GRID1: variants seen among roughly 807,000 people sequenced by gnomAD.
GRID1 encodes glutamate receptor ionotropic, delta-1.
Under a neutral mutation model 98.0 loss-of-function variants are expected in GRID1, and 28 were observed. The ratio of observed to expected loss-of-function variants is 0.29; its 90% CI spans 0.21 to 0.39. The LOEUF is 0.39. Among genes scored for constraint, GRID1 ranks in the 10% least tolerant of loss-of-function variants. GRID1 has a pLI of 1.00. For synonymous variants in GRID1, 553 were observed against 538.5 expected, an observed-to-expected ratio of 1.03 and a Z score of -0.37; for missense variants, 1,111 against 1,340.5, an observed-to-expected ratio of 0.83 and a Z score of 2.67.
At chr10:86,247,382 T>C (rs1176068424) in intron 2 of GRID1, among the ~76,000 whole-genome samples, 1 of 151,836 alleles carries the variant, frequency 6.6e-6, no homozygotes, top group Non-Finnish European at 1.5e-5. Flanking sequence ...GATGGATGGA[T>C]GGATGATGGA....
At chr10:86,138,778 T>C (rs1564687285) in intron 4 of GRID1, 41 bp downstream of exon 4, 2 of 1,524,514 alleles carry the variant, frequency 1.3e-6, no homozygotes, top group African/African-American at 2.7e-5. Context: ...TGCAGAGCCC[T>C]GGGCACCAGG....
intron 8 of GRID1, among the ~76,000 whole-genome samples, chr10:85,735,463 C>A (rs560124369): frequency 7.2e-5 from 11 of 152,248 alleles, no homozygotes; most frequent in Admixed American, 4.6e-4. Context: ...ATTTCACAAA[C>A]CACTGGTCTC....
chr10:86,073,357 A>G (rs1366226832), intron 4 of GRID1, among the ~76,000 whole-genome samples: 7 of 152,188 alleles, frequency 4.6e-5, no homozygotes, highest in Admixed American at 6.5e-5. Flanking sequence ...CCTGTTACAC[A>G]CTGGGGTAGG....
At chr10:86,252,227 G>A (rs1363267795) in intron 2 of GRID1, among the ~76,000 whole-genome samples, 3 of 152,194 alleles carry the variant, frequency 2.0e-5, no homozygotes, top group Non-Finnish European at 4.4e-5. Flanking sequence ...AGCAGAGACC[G>A]GGATGTGGCC....
intron 8 of GRID1, among the ~76,000 whole-genome samples, chr10:85,768,670 T>C (rs1842222092): frequency 6.6e-6 from 1 of 152,186 alleles, no homozygotes; most frequent in Non-Finnish European, 1.5e-5. Context: ...GAAAAATACA[T>C]TTTTCAATTA....
chr10:86,150,839 G>A (rs1190895210), intron 3 of GRID1, among the ~76,000 whole-genome samples: 1 of 152,118 alleles, frequency 6.6e-6, no homozygotes. Context: ...AGAGAAGATG[G>A]CCAACTGCAA....
intron 2 of GRID1, among the ~76,000 whole-genome samples, chr10:86,228,100 G>A (rs914305641): frequency 7.3e-5 from 11 of 151,042 alleles, no homozygotes; most frequent in Admixed American, 1.3e-4. Flanking sequence ...GAGGTGAGTG[G>A]GTGAGTAGGT....
At chr10:85,629,858 C>T (rs1245635108) in intron 13 of GRID1, among the ~76,000 whole-genome samples, 1 of 152,172 alleles carries the variant, frequency 6.6e-6, no homozygotes, top group South Asian at 2.1e-4. Context: ...TTCTCTGCAT[C>T]CTCACTAACA....
chr10:86,156,110 G>A (rs951801959), intron 3 of GRID1, among the ~76,000 whole-genome samples: 2 of 152,238 alleles, frequency 1.3e-5, no homozygotes, highest in African/African-American at 4.8e-5. Flanking sequence ...TAAATGGTAG[G>A]AGAGCCCAAA....
rs114267017 is a variant in GRID1 at position 85,746,034 on chromosome 10, C to T, written c.1234-16420G>A. Among the ~76,000 whole-genome samples, 794 of 152,326 alleles carry T rather than the reference C, an allele frequency of 5.2e-3. 11 individuals carry two copies. Among genetic ancestry groups the T allele is most frequent in the African/African-American group, 0.018 (759 of 41,566 alleles). On this transcript the variant is annotated intron_variant, in intron 8 of 15. Transcript: ENST00000327946. ...GTGATCACTATGTGCTTTCCAACTA[C>T]TCCTCCTTACAAATGGTAATCCTTA...
intron 12 of GRID1, chr10:85,649,874 T>A (rs1167358590): frequency 1.3e-5 from 2 of 152,274 alleles, no homozygotes; most frequent in African/African-American, 4.8e-5. Context: ...ATCTTACTGC[T>A]CAGACCCACG....
intron 12 of GRID1, among the ~76,000 whole-genome samples, chr10:85,722,513 C>T (rs545470646): frequency 8.5e-4 from 129 of 152,138 alleles, no homozygotes; most frequent in African/African-American, 2.9e-3. Context: ...AACATGAAGA[C>T]ACATTTTTAG....
intron 4 of GRID1, among the ~76,000 whole-genome samples, chr10:86,026,527 CT>C (rs1205789389): frequency 2.0e-5 from 3 of 152,234 alleles, no homozygotes; most frequent in African/African-American, 7.2e-5. Context: ...GAAATCTCCA[CT>C]GGTGCTGGCT....
At chr10:86,146,389 A>G (rs11201907) in intron 3 of GRID1, among the ~76,000 whole-genome samples, 6,511 of 152,250 alleles carry the variant, frequency 0.043, 151 homozygotes, top group Non-Finnish European at 0.054. Flanking sequence ...TAAGAGCCCT[A>G]CCCAGCCTCC....
chr10:85,725,238 A>C (rs1389204380), intron 10 of GRID1, among the ~76,000 whole-genome samples: 1 of 152,230 alleles, frequency 6.6e-6, no homozygotes, highest in Non-Finnish European at 1.5e-5. Flanking sequence ...TGAGTGTTTC[A>C]TATGTAGACT....
intron 4 of GRID1, among the ~76,000 whole-genome samples, chr10:86,005,121 A>T: frequency 6.6e-6 from 1 of 152,202 alleles, no homozygotes; most frequent in East Asian, 1.9e-4. Flanking sequence ...GCTAGCAATC[A>T]AACACAAGTG....
chr10:85,824,844 C>G lies in GRID1; in HGVS notation c.1233+29652G>C, dbSNP rs141981056. 2.2e-4 allele frequency among the ~76,000 whole-genome samples: 34 copies of G among 152,252 alleles called. 1 individual carries two copies. In the East Asian group the frequency reaches 6.0e-3, roughly 27 times the overall value. ...TTAACTTCACTTAGAATAATGTCAT[C>G]CAGATCCATTGAAGTTGCTGCAAAA... is the stretch of plus-strand genomic sequence containing the variant. On this transcript the variant is annotated intron_variant, in intron 8 of 15. Coordinates refer to ENST00000327946, the MANE Select transcript of GRID1 (RefSeq NM_017551.3).
intron 8 of GRID1, among the ~76,000 whole-genome samples, chr10:85,785,221 A>G (rs1249355691): frequency 6.6e-6 from 1 of 152,260 alleles, no homozygotes; most frequent in Non-Finnish European, 1.5e-5. Flanking sequence ...TACAGGCTAA[A>G]TATTCAGGTA....
chr10:85,996,450 A>T (rs2131871641), intron 4 of GRID1, among the ~76,000 whole-genome samples: 1 of 152,326 alleles, frequency 6.6e-6, no homozygotes, highest in Middle Eastern at 3.4e-3. Flanking sequence ...CAACAAAAAA[A>T]ATTTCACTGG....
Sources: gnomAD v4.1 joint callset for allele counts (sites outside exome capture counted in the v4.1 genomes callset) on GRCh38, gnomAD v4.1.1 for gene constraint, MANE v1.5 for transcripts, NCBI Gene and HGNC (gene_info 2026-07-23, HGNC 2026-07-21) for gene names.